Variants in XRN1 observed in about 807,000 individuals in gnomAD.
XRN1 encodes 5'-3' exoribonuclease 1, also known as strand-exchange protein 1 homolog.
A neutral mutation model predicts 222.3 loss-of-function variants in XRN1; 67 were observed. The observed-to-expected ratio is 0.30, with a 90% CI of 0.25 to 0.37. XRN1 has a LOEUF of 0.37. Among genes scored for constraint, XRN1 ranks in the 10% least tolerant of loss-of-function variants. The pLI, the probability that XRN1 is intolerant of heterozygous loss-of-function variation, is 1.00. For synonymous variants in XRN1, 643 were observed against 652.4 expected, an observed-to-expected ratio of 0.99 and a Z score of 0.22; for missense variants, 1,707 against 2,000.2, an observed-to-expected ratio of 0.85 and a Z score of 2.80.
chr3:142,358,348 TGTTAA>T (rs1490570554), intron 30 of XRN1, among the ~76,000 whole-genome samples: 5 of 152,208 alleles, frequency 3.3e-5, no homozygotes, highest in South Asian at 4.1e-4. Flanking sequence ...ATCCTTCTCT[TGTTAA>T]GTTTTCAACT....
intron 20 of XRN1, among the ~76,000 whole-genome samples, chr3:142,391,749 AATAT>A (rs56952263): frequency 0.28 from 28,383 of 102,738 alleles, 3,174 homozygotes; most frequent in Admixed American, 0.4. Context: ...AAAAAAAAAA[AATAT>A]ATATATATAT....
intron 3 of XRN1, 154 bp downstream of exon 3, chr3:142,426,590 C>T (rs1264443479): frequency 9.1e-6 from 6 of 656,682 alleles, no homozygotes; most frequent in Non-Finnish European, 1.5e-5. Context: ...ACCAAGGTGA[C>T]CAAATCGTCT....
At chr3:142,441,858 A>T (rs890000938) in intron 1 of XRN1, among the ~76,000 whole-genome samples, 4 of 152,240 alleles carry the variant, frequency 2.6e-5, no homozygotes, top group African/African-American at 9.6e-5. Context: ...GACCTTTCAG[A>T]GGTTCCCTTG....
At position 142,390,472 on chromosome 3, in the gene XRN1, T is replaced by A. The variant is rs569554813; in HGVS notation, c.2340-5787A>T. ...AGATGGCTTCTTTCCTTAAACTTCA[T>A]GAACCAACCTCTGCTTACTTCAAAC... On this transcript the variant is annotated intron_variant, in intron 20 of 40. Transcript: ENST00000392981. Among the ~76,000 whole-genome samples the A allele has an allele frequency of 1.4e-4, 21 of 152,354 alleles. No homozygotes were observed. The South Asian group carries it at 2.9e-3, about 21-fold the overall frequency.
rs749628227 is a variant in XRN1, at chr3:142,357,116, G to A, written c.3468C>T (p.Cys1156=). 6.2e-6 allele frequency: 10 copies of A among 1,605,752 alleles called. No individual in the cohort carries two copies. The South Asian group carries it at 1.1e-4, about 18-fold the overall frequency. ...GCAGTCGATAACCTCTACCAGGTGA[G>A]CATCTAAAAGTAAAAGTTATATCAG... is the stretch of plus-strand genomic sequence containing the variant. The part of the protein sequence containing the change: ...EEFPGGLTIR[C]SPGRGYRLPT... Residue 1156 remains cysteine, a synonymous_variant, in exon 31 of 41, where the codon TGC becomes TGT. Transcript: ENST00000392981.
rs1444109525 is a variant in XRN1 at position 142,370,500 on chromosome 3, T to C, written c.3189A>G (p.Glu1063=). The C allele has an allele frequency of 1.2e-6, 2 of 1,605,902 alleles. No homozygotes were observed. Among genetic ancestry groups the C allele is most frequent in the Non-Finnish European group, 1.7e-6 (2 of 1,177,436 alleles). The change falls in exon 27 of 41, where the codon GAA becomes GAG. Residue 1063 remains glutamate (E), a synonymous_variant. Coordinates refer to ENST00000392981, the MANE Select transcript of XRN1 (RefSeq NM_001282857.2). The part of the protein sequence containing the change: ...DAAIVEKIEE[E]VEKCKQRKNN... ...AAGTTAGTACCTTGCACTTTTCGAC[T>C]TCTTCCTCAATTTTCTCAACAATAG...
chr3:142,327,548 T>G (rs2065554501), intron 37 of XRN1, among the ~76,000 whole-genome samples: 1 of 152,058 alleles, frequency 6.6e-6, no homozygotes, highest in Admixed American at 6.6e-5. Flanking sequence ...AAAAACAACT[T>G]TTTCTTTCAT....
At chr3:142,350,208 A>G (rs2066264818) in intron 32 of XRN1, among the ~76,000 whole-genome samples, 1 of 152,140 alleles carries the variant, frequency 6.6e-6, no homozygotes, top group South Asian at 2.1e-4. Context: ...CAGCAATACT[A>G]TTTTGTGGCT....
chr3:142,320,865 C>T (rs1238357148), intron 37 of XRN1, among the ~76,000 whole-genome samples: 3 of 152,070 alleles, frequency 2.0e-5, no homozygotes, highest in Non-Finnish European at 2.9e-5. Context: ...TGTTTTCTTT[C>T]GTGGCCTGTG....
chr3:142,329,444 C>T lies in XRN1; in HGVS notation c.4394G>A (p.Arg1465Lys). The change falls in exon 37 of 41, where the codon AGG (arginine) becomes AAG (lysine). Residue 1465 changes from arginine (R) to lysine (K), a missense_variant. Coordinates refer to ENST00000392981, the MANE Select transcript of XRN1 (RefSeq NM_001282857.2). The part of the protein sequence containing the change: ...GMPQPDFSFL[R>K]MPQTMTVCQV... ...AGTAGTATACTATACCTGTGGCATC[C>T]TAAGAAAGGAGAAATCAGGTTGTGG... The T allele has an allele frequency of 6.4e-7, 1 of 1,571,894 alleles. No individual in the cohort carries two copies. The highest frequency in any genetic ancestry group is 8.6e-7 in the Non-Finnish European group (1 of 1,165,128).
chr3:142,362,834 A>G (rs1414642939), intron 29 of XRN1, among the ~76,000 whole-genome samples: 2 of 148,552 alleles, frequency 1.3e-5, no homozygotes, highest in Non-Finnish European at 3.0e-5. Flanking sequence ...GCAGTGGTGC[A>G]ATCATGGCTC....
At chr3:142,334,292 T>C (rs1385023030) in intron 34 of XRN1, among the ~76,000 whole-genome samples, 2 of 152,106 alleles carry the variant, frequency 1.3e-5, no homozygotes, top group Admixed American at 1.3e-4. Context: ...ATCTAAACAT[T>C]AATGGGTTCC....
chr3:142,354,061 T>C (rs1275230840), intron 32 of XRN1, among the ~76,000 whole-genome samples: 1 of 152,028 alleles, frequency 6.6e-6, no homozygotes, highest in Non-Finnish European at 1.5e-5. Context: ...ACAGAGAAGA[T>C]TAGCAAAATC....
intron 27 of XRN1, among the ~76,000 whole-genome samples, 166 bp downstream of exon 27, chr3:142,370,318 AG>A (rs1275445269): frequency 1.3e-5 from 2 of 152,346 alleles, no homozygotes; most frequent in South Asian, 4.1e-4. Flanking sequence ...GGCTACTAAA[AG>A]CTACTATAAA....
intron 37 of XRN1, among the ~76,000 whole-genome samples, chr3:142,323,247 A>G (rs900680261): frequency 6.6e-6 from 1 of 151,440 alleles, no homozygotes; most frequent in Non-Finnish European, 1.5e-5. Context: ...AAGATTCCAC[A>G]CTGCAACTAA....
chr3:142,320,560 AGTTG>A lies in XRN1; in HGVS notation c.4405-1661_4405-1658del, dbSNP rs1261463594. On this transcript the variant is annotated intron_variant, in intron 37 of 40. Transcript: ENST00000392981. ...TTGCTGTGCAGGAGCTTTTTAGTTT[AGTTG>A]AGTCCCATTTGTCTATTTTTGTTTT... Among the ~76,000 whole-genome samples, 768 of 152,208 alleles carry A rather than the reference AGTTG, an allele frequency of 5.0e-3. 8 individuals are homozygous for A. Among genetic ancestry groups the A allele is most frequent in the African/African-American group, 0.018 (742 of 41,566 alleles).
chr3:142,428,527 G>A (rs2069366497), intron 2 of XRN1, among the ~76,000 whole-genome samples: 1 of 152,100 alleles, frequency 6.6e-6, no homozygotes, highest in Admixed American at 6.6e-5. Context: ...TAAGACTATT[G>A]AAGTAATCTA....
chr3:142,439,149 A>T (rs931429563), intron 1 of XRN1, among the ~76,000 whole-genome samples: 13 of 152,208 alleles, frequency 8.5e-5, no homozygotes. Context: ...GGCTATATTG[A>T]CGTTTTACAA....
At chr3:142,417,016 GAAA>G (rs11291353) in intron 13 of XRN1, 121 bp downstream of exon 13, 14,323 of 303,600 alleles carry the variant, frequency 0.047, 4 homozygotes, top group South Asian at 0.068. Context: ...GCAACAGAGT[GAAA>G]AAAAAAAAAA....
Sources: allele counts gnomAD v4.1 joint callset (sites outside exome capture counted in the v4.1 genomes callset), GRCh38; gene constraint gnomAD v4.1.1; transcripts MANE v1.5; gene names NCBI Gene and HGNC (gene_info 2026-07-23, HGNC 2026-07-21).